Variants in NRXN2 observed in about 807,000 individuals in gnomAD.
NRXN2 encodes neurexin-2-beta.
NRXN2 carries 29 observed loss-of-function variants against 128.8 expected under a neutral mutation model. That is an observed-to-expected ratio of 0.23 (90% CI 0.17 to 0.31). The LOEUF is 0.31. Among genes scored for constraint, NRXN2 ranks in the 10% least tolerant of loss-of-function variants. NRXN2 has a pLI of 1.00. For synonymous variants in NRXN2, 1,098 were observed against 1,075.2 expected (o/e 1.02, Z -0.41); for missense variants, 1,881 against 2,452.6 (o/e 0.77, Z 4.92).
In NRXN2 at chr11:64,713,235, G is replaced by C; in HGVS notation, c.465C>G (p.Ile155Met). The C allele has an allele frequency of 2.1e-6, 3 of 1,463,234 alleles. No homozygotes were observed. Among genetic ancestry groups the C allele is most frequent in the Non-Finnish European group, 2.7e-6 (3 of 1,111,274 alleles). The allele number at this position is 1,463,234 out of a possible 1,614,324, so 90.6% of individuals were successfully genotyped here. A position where few individuals can be genotyped will look rare whatever the true frequency, so the allele number is the denominator to read the frequency against. Residue 155 changes from isoleucine (I) to methionine (M), a missense_variant, in exon 2 of 23, where the codon ATC (isoleucine) becomes ATG (methionine). Ile to Met is a conservative substitution (Grantham distance 10). Around this residue, in one of 7 missense-constraint regions of NRXN2, gnomAD observed 997 missense variants for 1,240.8 expected, o/e 0.80. Transcript: ENST00000265459. ...QVASDLFVGG[I>M]PPDVRLSALT... ...GCGCCGAGAGGCGCACGTCGGGCGGGATGCCGCCCACGAACAGGTCGCTGG... is the reference window on the plus strand; with the variant it reads ...GCGCCGAGAGGCGCACGTCGGGCGGCATGCCGCCCACGAACAGGTCGCTGG...
In NRXN2 at chr11:64,723,013, C is replaced by T. The variant is rs1394508638; in HGVS notation, c.-287G>A. 3.6e-5 allele frequency: 5 copies of T among 140,302 alleles called. No homozygotes were observed. The highest frequency in any genetic ancestry group is 1.1e-4 in the African/African-American group (4 of 37,038). 8.7% of individuals were successfully genotyped at this position (140,302 alleles called of 1,614,324 possible). A position where few individuals can be genotyped will look rare whatever the true frequency, so the allele number is the denominator to read the frequency against. On this transcript the variant is annotated 5_prime_UTR_variant, in exon 1 of 23. Coordinates refer to ENST00000265459, the MANE Select transcript of NRXN2 (RefSeq NM_015080.4). Reference sequence around the variant, plus strand: ...AGAAGCTGGAGGGTGGGTAGCAGAGCTACAGGGCCGCCCCGTCTCCGACGG... The same window carrying T: ...AGAAGCTGGAGGGTGGGTAGCAGAGTTACAGGGCCGCCCCGTCTCCGACGG...
chr11:64,615,272 T>C (rs1366195871), intron 22 of NRXN2, among the ~76,000 whole-genome samples: 1 of 152,238 alleles, frequency 6.6e-6, no homozygotes. Context: ...GGTCCAAGCC[T>C]TGAGTCATCA....
At chr11:64,686,025 A>G in intron 5 of NRXN2, 78 bp from the exon 6 acceptor site, 1 of 1,525,346 alleles carries the variant, frequency 6.6e-7, no homozygotes, top group South Asian at 1.1e-5. Context: ...CCCCTCCAGC[A>G]ACGCAGGCAC....
At chr11:64,721,003 G>A (rs1009227548) in intron 1 of NRXN2, among the ~76,000 whole-genome samples, 2 of 152,078 alleles carry the variant, frequency 1.3e-5, no homozygotes, top group Non-Finnish European at 2.9e-5. Flanking sequence ...CTGGGGGCAC[G>A]TAGTGGCCGT....
chr11:64,687,773 T>C (rs1432826181), intron 5 of NRXN2, among the ~76,000 whole-genome samples: 1 of 151,712 alleles, frequency 6.6e-6, no homozygotes, highest in Non-Finnish European at 1.5e-5. Flanking sequence ...GCTATCTGGA[T>C]AAAGAAAAGG....
At chr11:64,694,660 G>A (rs1233346643) in intron 3 of NRXN2, among the ~76,000 whole-genome samples, 5 of 152,220 alleles carry the variant, frequency 3.3e-5, no homozygotes, top group East Asian at 1.9e-4. Context: ...CATTTGAACC[G>A]AGTCTCCTCA....
rs1479352766 is a variant in NRXN2, at chr11:64,635,210, G to A, written c.3585+61C>T. ...AGGTGCTGATCCCATGGCAATGAGG[G>A]GCTGAACTGATTTGGGAGCAGGAAG... On this transcript the variant is annotated intron_variant, in intron 18 of 22. Coordinates refer to ENST00000265459, the MANE Select transcript of NRXN2 (RefSeq NM_015080.4). This position sits in a 1 kb window ranked among gnomAD's most constrained non-coding sequence, Gnocchi z 4.8. The A allele has an allele frequency of 6.3e-6, 10 of 1,583,404 alleles. No homozygotes were observed. Among genetic ancestry groups the A allele is most frequent in the South Asian group, 1.1e-5 (1 of 90,314 alleles).
intron 7 of NRXN2, chr11:64,676,643 C>G (rs143010979): frequency 3.0e-6 from 1 of 336,420 alleles, no homozygotes; most frequent in African/African-American, 2.1e-5. Context: ...TAGAAATAAG[C>G]AGCCTGGCAT....
At chr11:64,620,823 C>T (rs1482274724) in intron 21 of NRXN2, among the ~76,000 whole-genome samples, 1 of 151,032 alleles carries the variant, frequency 6.6e-6, no homozygotes, top group African/African-American at 2.4e-5. Flanking sequence ...CACCCATCAC[C>T]CCTCATCTCT....
At chr11:64,625,980 C>T (rs1284890297) in intron 20 of NRXN2, among the ~76,000 whole-genome samples, 2 of 152,176 alleles carry the variant, frequency 1.3e-5, no homozygotes, top group African/African-American at 4.8e-5. Flanking sequence ...CCTCACATGG[C>T]TCTGGTGAAG....
At chr11:64,640,143 G>A (rs1378952495) in intron 17 of NRXN2, among the ~76,000 whole-genome samples, 1 of 151,676 alleles carries the variant, frequency 6.6e-6, no homozygotes, top group African/African-American at 2.4e-5. Flanking sequence ...ACCAGGCACT[G>A]GTCCTCTTTC....
chr11:64,614,392 C>T (rs554671816), intron 22 of NRXN2, among the ~76,000 whole-genome samples: 1 of 152,328 alleles, frequency 6.6e-6, no homozygotes, highest in East Asian at 1.9e-4. Flanking sequence ...AACCTTAAAC[C>T]ACCCTTGGGC....
In NRXN2 at chr11:64,622,650, C is replaced by T; in HGVS notation, c.4173+103G>A. The T allele has an allele frequency of 2.7e-6, 4 of 1,482,026 alleles. No individual in the cohort carries two copies. The highest frequency in any genetic ancestry group is 9.1e-7 in the Non-Finnish European group (1 of 1,098,886). The allele number at this position is 1,482,026 out of a possible 1,614,324, so 91.8% of individuals were successfully genotyped here. A position where few individuals can be genotyped will look rare whatever the true frequency, so the allele number is the denominator to read the frequency against. ...CAGCAGCCTTCAGGATCCCAACAGA[C>T]CCCTTGGACCCTCACTCTAGGCACC... On this transcript the variant is annotated intron_variant, in intron 21 of 22. Transcript: ENST00000265459. This position sits in a 1 kb window ranked among gnomAD's most constrained non-coding sequence, Gnocchi z 4.3.
chr11:64,660,634 A>G lies in NRXN2; in HGVS notation c.2186-99T>C. ...ATTACAAGGGCGAAAAGCCTAGGGC[A>G]GGTCTATGAGGGGTTCCCCTAGGAG... On this transcript the variant is annotated intron_variant, in intron 10 of 22. Coordinates refer to ENST00000265459, the MANE Select transcript of NRXN2 (RefSeq NM_015080.4). The surrounding 1 kb of genome is among the most constrained non-coding windows in gnomAD (Gnocchi z 5.2). 1 of 1,586,856 alleles carries G rather than the reference A, an allele frequency of 6.3e-7. No individual in the cohort carries two copies.
chr11:64,710,166 C>G (rs2056758549), intron 2 of NRXN2, among the ~76,000 whole-genome samples: 1 of 152,024 alleles, frequency 6.6e-6, no homozygotes, highest in Non-Finnish European at 1.5e-5. Context: ...CTTCAGCCTC[C>G]CAAAGTGCTG....
chr11:64,686,462 A>G (rs963957555), intron 5 of NRXN2, among the ~76,000 whole-genome samples: 1 of 152,140 alleles, frequency 6.6e-6, no homozygotes, highest in Non-Finnish European at 1.5e-5. Flanking sequence ...CAGCCTCACC[A>G]TATGGGATGG....
At chr11:64,718,916 C>T (rs894929973) in intron 1 of NRXN2, among the ~76,000 whole-genome samples, 1 of 152,192 alleles carries the variant, frequency 6.6e-6, no homozygotes, top group Non-Finnish European at 1.5e-5. Context: ...TGGTTAGAGG[C>T]ACTGGCTCTG....
chr11:64,687,348 C>A (rs1004445101), intron 5 of NRXN2, among the ~76,000 whole-genome samples: 2 of 152,098 alleles, frequency 1.3e-5, no homozygotes, highest in Non-Finnish European at 2.9e-5. Context: ...TTCTGCAGAT[C>A]CCCTCCCCTC....
At chr11:64,700,800 T>C (rs1280769212) in intron 2 of NRXN2, among the ~76,000 whole-genome samples, 1 of 152,200 alleles carries the variant, frequency 6.6e-6, no homozygotes. Context: ...TCTTGACCTA[T>C]GTACCCATCT....
Sources: allele counts gnomAD v4.1 joint callset (sites outside exome capture counted in the v4.1 genomes callset), GRCh38; gene constraint gnomAD v4.1.1; regional missense constraint gnomAD v4.1.1; non-coding constraint Gnocchi (gnomAD v3.1); transcripts MANE v1.5; gene names NCBI Gene and HGNC (gene_info 2026-07-23, HGNC 2026-07-21).